The following GRIA3 variants were observed in gnomAD, a reference collection of about 807,000 sequenced individuals.
The protein encoded by GRIA3 is glutamate ionotropic receptor AMPA type subunit 3.
A neutral mutation model predicts 63.0 loss-of-function variants in GRIA3; 3 were observed. The ratio of observed to expected loss-of-function variants is 0.05; its 90% CI spans 0.02 to 0.12. The LOEUF (loss-of-function observed/expected upper bound fraction) is 0.12, where lower values mean the gene tolerates loss of function less well. Among genes scored for constraint, GRIA3 ranks in the 10% least tolerant of loss-of-function variants. The probability of loss-of-function intolerance (pLI) is 1.00; values close to 1 mark genes in which losing one functional copy is unlikely to be tolerated. For synonymous variants in GRIA3, 274 were observed against 257.9 expected, an observed-to-expected ratio of 1.06 and a Z score of -0.60; for missense variants, 347 against 700.9, an observed-to-expected ratio of 0.50 and a Z score of 5.70.
chrX:123,434,694 C>G (rs1052358853), intron 12 of GRIA3, among the ~76,000 whole-genome samples: 2 of 111,319 alleles, frequency 1.8e-5, no homozygotes, highest in African/African-American at 6.5e-5. Context: ...AAAAAGGCCT[C>G]TGGAAAAGGG....
intron 3 of GRIA3, among the ~76,000 whole-genome samples, chrX:123,277,900 A>G (rs781781547): frequency 1.2e-4 from 13 of 111,956 alleles, no homozygotes; most frequent in African/African-American, 3.6e-4. Context: ...TAACTTCCTC[A>G]TGTGATTCTA....
intron 3 of GRIA3, among the ~76,000 whole-genome samples, chrX:123,300,664 G>A (rs1371064186): frequency 1.9e-5 from 2 of 106,041 alleles, no homozygotes; most frequent in Admixed American, 2.0e-4. Flanking sequence ...TTTGTATCTC[G>A]ACCTCCTTCA....
At chrX:123,417,149 G>A (rs2045540943) in intron 10 of GRIA3, among the ~76,000 whole-genome samples, 1 of 112,177 alleles carries the variant, frequency 8.9e-6, no homozygotes, top group African/African-American at 3.2e-5. Flanking sequence ...AAAGAAAGCA[G>A]AGTCGGTTGC....
chrX:123,437,635 G>A (rs745336022), intron 12 of GRIA3, among the ~76,000 whole-genome samples: 2 of 111,546 alleles, frequency 1.8e-5, no homozygotes, highest in African/African-American at 6.5e-5. Context: ...TGGAGACTGT[G>A]TGAAGGAATC....
At chrX:123,411,692 G>A (rs936485389) in intron 10 of GRIA3, among the ~76,000 whole-genome samples, 5 of 111,229 alleles carry the variant, frequency 4.5e-5, no homozygotes, top group African/African-American at 1.6e-4. Context: ...AATTCAGTGT[G>A]TTTACTGAGC....
chrX:123,428,468 G>T, intron 12 of GRIA3, among the ~76,000 whole-genome samples: 1 of 111,678 alleles, frequency 9.0e-6, no homozygotes, highest in Non-Finnish European at 1.9e-5. Context: ...ATAATGAGGG[G>T]ATTGAACTAA....
At chrX:123,395,394 A>G (rs1010718420) in intron 6 of GRIA3, among the ~76,000 whole-genome samples, 1 of 112,530 alleles carries the variant, frequency 8.9e-6, no homozygotes, top group Admixed American at 9.4e-5. Flanking sequence ...TAATATGCCT[A>G]TAACAATTTA....
chrX:123,286,242 C>G (rs113466627), intron 3 of GRIA3, among the ~76,000 whole-genome samples: 2,265 of 111,664 alleles, frequency 0.02, 55 homozygotes, highest in African/African-American at 0.07. Flanking sequence ...CAGAATGTAC[C>G]AGCATCTCTG....
At chrX:123,383,304 T>C (rs767578241) in intron 5 of GRIA3, among the ~76,000 whole-genome samples, 1 of 111,663 alleles carries the variant, frequency 9.0e-6, no homozygotes, top group Admixed American at 9.5e-5. Flanking sequence ...ACCCCTCTTC[T>C]GGCTACCATG....
intron 5 of GRIA3, 28 bp from the exon 6 acceptor site, chrX:123,394,940 A>C: frequency 9.0e-7 from 1 of 1,114,068 alleles, no homozygotes; most frequent in Non-Finnish European, 1.2e-6. Flanking sequence ...AACTTCCCAC[A>C]ATCATGATCC....
chrX:123,372,859 G>T (rs1479928427), intron 5 of GRIA3, among the ~76,000 whole-genome samples: 1 of 109,799 alleles, frequency 9.1e-6, no homozygotes, highest in African/African-American at 3.3e-5. Context: ...AGTTTGGATG[G>T]TCTTTATTTC....
intron 4 of GRIA3, among the ~76,000 whole-genome samples, chrX:123,337,506 G>T (rs919459976): frequency 2.7e-5 from 3 of 111,844 alleles, no homozygotes; most frequent in African/African-American, 9.8e-5. Context: ...GCTTAAGAAT[G>T]GGGACACAGA....
At chrX:123,432,231 T>C (rs1000341618) in intron 12 of GRIA3, among the ~76,000 whole-genome samples, 10 of 112,200 alleles carry the variant, frequency 8.9e-5, no homozygotes, top group African/African-American at 2.6e-4. Context: ...AGTAGGCACC[T>C]GGCTAAGGAA....
At chrX:123,449,775 TGTTGA>T (rs1008034524) in intron 12 of GRIA3, among the ~76,000 whole-genome samples, 2 of 112,016 alleles carry the variant, frequency 1.8e-5, no homozygotes, top group Admixed American at 9.5e-5. Context: ...GCCAAGCATC[TGTTGA>T]GTTAACTTTA....
intron 3 of GRIA3, among the ~76,000 whole-genome samples, chrX:123,258,580 A>G (rs1459174752): frequency 9.0e-6 from 1 of 111,559 alleles, no homozygotes; most frequent in East Asian, 2.8e-4. Flanking sequence ...GAACAGCAAC[A>G]TACTTGAGAA....
intron 4 of GRIA3, among the ~76,000 whole-genome samples, chrX:123,333,997 C>A (rs764125225): frequency 8.9e-6 from 1 of 111,783 alleles, no homozygotes; most frequent in African/African-American, 3.2e-5. Context: ...GTCACTATTT[C>A]TTAATCTAAT....
intron 12 of GRIA3, among the ~76,000 whole-genome samples, chrX:123,462,304 G>A (rs1169073364): frequency 9.0e-6 from 1 of 111,566 alleles, no homozygotes; most frequent in Non-Finnish European, 1.9e-5. Flanking sequence ...CCTATAACAG[G>A]TAGAATAAAT....
chrX:123,312,508 T>C (rs1369280967), intron 3 of GRIA3, among the ~76,000 whole-genome samples: 1 of 112,043 alleles, frequency 8.9e-6, no homozygotes, highest in African/African-American at 3.2e-5. Context: ...TGAGAATTTG[T>C]GTGAGTAAGC....
intron 4 of GRIA3, among the ~76,000 whole-genome samples, chrX:123,348,969 AC>A (rs2045073517): frequency 8.9e-6 from 1 of 112,039 alleles, no homozygotes; most frequent in African/African-American, 3.2e-5. Context: ...AATATTTCCC[AC>A]CATCCCTGGT....
Sources: gnomAD v4.1 joint callset for allele counts (sites outside exome capture counted in the v4.1 genomes callset) on GRCh38, gnomAD v4.1.1 for gene constraint, MANE v1.5 for transcripts, NCBI Gene and HGNC (gene_info 2026-07-23, HGNC 2026-07-21) for gene names.